The following LHFPL2 variants were observed in gnomAD, a reference collection of about 807,000 sequenced individuals.
The protein encoded by LHFPL2 is LHFPL tetraspan subfamily member 2 protein.
LHFPL2 carries 7 observed loss-of-function variants against 17.5 expected under a neutral mutation model. The ratio of observed to expected loss-of-function variants is 0.40; its 90% CI spans 0.23 to 0.75. The LOEUF (loss-of-function observed/expected upper bound fraction) is 0.75, where lower values mean the gene tolerates loss of function less well. Among genes scored for constraint, LHFPL2 ranks in the 30% least tolerant of loss-of-function variants. LHFPL2 has a pLI of 0.37. For missense variants in LHFPL2, 241 were observed against 294.8 expected (o/e 0.82, Z 1.34); for synonymous variants, 134 against 116.2 (o/e 1.15, Z -0.99).
At chr5:78,525,352 C>T (rs1443080780) in intron 3 of LHFPL2, among the ~76,000 whole-genome samples, 2 of 152,234 alleles carry the variant, frequency 1.3e-5, no homozygotes, top group Non-Finnish European at 2.9e-5. Flanking sequence ...TGAGAGAATA[C>T]ATGTAAAGTG....
chr5:78,645,259 T>G (rs1214120182), intron 1 of LHFPL2, among the ~76,000 whole-genome samples: 1 of 151,694 alleles, frequency 6.6e-6, no homozygotes, highest in Non-Finnish European at 1.5e-5. Flanking sequence ...GTTTTTTTTT[T>G]TTCTTCTAAT....
chr5:78,581,945 T>C (rs1743161404), intron 2 of LHFPL2, among the ~76,000 whole-genome samples: 2 of 152,356 alleles, frequency 1.3e-5, no homozygotes, highest in Admixed American at 6.5e-5. Flanking sequence ...TGGTAAGCTA[T>C]TGATTATTGC....
chr5:78,580,820 A>G (rs377677211), intron 2 of LHFPL2, among the ~76,000 whole-genome samples: 7 of 151,946 alleles, frequency 4.6e-5, no homozygotes, highest in South Asian at 2.1e-4. Context: ...GGATTGACTT[A>G]GCGATGCGGG....
intron 2 of LHFPL2, among the ~76,000 whole-genome samples, chr5:78,580,803 T>C (rs1743101771): frequency 6.6e-6 from 1 of 152,076 alleles, no homozygotes; most frequent in Non-Finnish European, 1.5e-5. Flanking sequence ...TTTGTTCTTT[T>C]GGCTTAGGAT....
intron 3 of LHFPL2, among the ~76,000 whole-genome samples, chr5:78,563,116 A>G (rs532065903): frequency 3.2e-4 from 49 of 152,316 alleles, no homozygotes; most frequent in South Asian, 2.1e-4. Flanking sequence ...CCTGCCTCCA[A>G]TGAGAATATC....
chr5:78,587,492 T>C (rs986203116), intron 2 of LHFPL2, among the ~76,000 whole-genome samples: 32 of 152,220 alleles, frequency 2.1e-4, no homozygotes, highest in Admixed American at 1.1e-3. Context: ...GTGGGAGACT[T>C]AGGCTTGAAT....
At chr5:78,638,602 C>T (rs1279524054) in intron 1 of LHFPL2, among the ~76,000 whole-genome samples, 2 of 152,154 alleles carry the variant, frequency 1.3e-5, no homozygotes, top group Non-Finnish European at 2.9e-5. Context: ...TCCTCTGTAT[C>T]TTGGCACAGA....
intron 1 of LHFPL2, among the ~76,000 whole-genome samples, chr5:78,637,858 AG>A (rs1745510302): frequency 6.6e-6 from 1 of 152,194 alleles, no homozygotes; most frequent in African/African-American, 2.4e-5. Flanking sequence ...AAGCTTGAGA[AG>A]CCCTCCTGAT....
intron 2 of LHFPL2, among the ~76,000 whole-genome samples, chr5:78,606,260 C>A (rs1435443200): frequency 6.6e-6 from 1 of 152,192 alleles, no homozygotes; most frequent in Non-Finnish European, 1.5e-5. Flanking sequence ...TTTACTTTCC[C>A]AATGCCTAAG....
At chr5:78,560,929 G>A (rs1343566638) in intron 3 of LHFPL2, among the ~76,000 whole-genome samples, 2 of 152,084 alleles carry the variant, frequency 1.3e-5, no homozygotes, top group African/African-American at 4.8e-5. Context: ...TAAGCCATGT[G>A]TATTAATTAA....
intron 3 of LHFPL2, among the ~76,000 whole-genome samples, chr5:78,513,481 G>C (rs1397943399): frequency 6.6e-6 from 1 of 152,200 alleles, no homozygotes; most frequent in African/African-American, 2.4e-5. Context: ...TAGTAAGTTT[G>C]CTAACTGCTA....
Position 78,521,271 on chromosome 5 carries a change from C to G in LHFPL2, c.-185-10873G>C, listed in dbSNP as rs533659100. Among the ~76,000 whole-genome samples, 84 of 152,282 alleles carry G rather than the reference C, an allele frequency of 5.5e-4. 2 individuals carry two copies. Among genetic ancestry groups the G allele is most frequent in the Middle Eastern group, 3.4e-3 (1 of 294 alleles). On this transcript the variant is annotated intron_variant, in intron 3 of 4. Coordinates refer to ENST00000380345, the MANE Select transcript of LHFPL2 (RefSeq NM_005779.3). ...TCCTCAGTAAATTATTAAAATCAAGCAGTACAATTCTCTCATCAGTTATAA... is the reference window on the plus strand; with the variant it reads ...TCCTCAGTAAATTATTAAAATCAAGGAGTACAATTCTCTCATCAGTTATAA...
At chr5:78,600,099 A>T (rs958337240) in intron 2 of LHFPL2, among the ~76,000 whole-genome samples, 40 of 152,280 alleles carry the variant, frequency 2.6e-4, no homozygotes, top group African/African-American at 9.6e-4. Context: ...CATGGTGAAA[A>T]TTATTTTGAA....
At position 78,509,874 on chromosome 5, in the gene LHFPL2, C is replaced by A; in HGVS notation, c.340G>T (p.Val114Leu). 1 of 1,613,848 alleles carries A rather than the reference C, an allele frequency of 6.2e-7. No individual in the cohort carries two copies. Residue 114 changes from valine to leucine, a missense_variant, in exon 4 of 5, where the codon GTG becomes TTG. Coordinates refer to ENST00000380345, the MANE Select transcript of LHFPL2 (RefSeq NM_005779.3). Reference sequence around the variant, plus strand: ...ATGGTGAAGACGGACACCAAGGCCACCATGCAGAGAATAAAGATTCCCACA... The same window carrying A: ...ATGGTGAAGACGGACACCAAGGCCAACATGCAGAGAATAAAGATTCCCACA... Reference protein sequence around the residue: ...LAVGIFILCMVALVSVFTMCV... With the variant: ...LAVGIFILCMLALVSVFTMCV...
chr5:78,528,986 C>A (rs542533152), intron 3 of LHFPL2, among the ~76,000 whole-genome samples: 1 of 152,264 alleles, frequency 6.6e-6, no homozygotes, highest in African/African-American at 2.4e-5. Context: ...TATTTTCATA[C>A]TTTAAAACTT....
At chr5:78,636,119 G>A (rs554883028) in intron 1 of LHFPL2, among the ~76,000 whole-genome samples, 8 of 152,314 alleles carry the variant, frequency 5.3e-5, no homozygotes, top group African/African-American at 1.4e-4. Context: ...CCTGGTGCCT[G>A]AGGCTGCCGT....
rs535303074 is a variant in LHFPL2, at chr5:78,639,584, AC to A, written c.-349-7217del. Among the ~76,000 whole-genome samples, 184 of 152,268 alleles carry A rather than the reference AC, an allele frequency of 1.2e-3. 1 individual carries two copies. Among genetic ancestry groups the A allele is most frequent in the African/African-American group, 4.0e-3 (168 of 41,548 alleles). ...AATGAAAGAGTATCTGTTTAGACAT[AC>A]CTCTCTAGAATGTAGAATCATCTTC... is the stretch of plus-strand genomic sequence containing the variant. On this transcript the variant is annotated intron_variant, in intron 1 of 4. Coordinates refer to ENST00000380345, the MANE Select transcript of LHFPL2 (RefSeq NM_005779.3).
At chr5:78,499,040 C>G (rs1754693530) in intron 4 of LHFPL2, among the ~76,000 whole-genome samples, 1 of 152,226 alleles carries the variant, frequency 6.6e-6, no homozygotes, top group South Asian at 2.1e-4. Context: ...GTCCTCTACA[C>G]ATAATGGCAG....
chr5:78,500,196 G>A (rs1018824846), intron 4 of LHFPL2, among the ~76,000 whole-genome samples: 5 of 152,056 alleles, frequency 3.3e-5, no homozygotes, highest in African/African-American at 1.2e-4. Context: ...AGACAAAATT[G>A]GGCAATGAGC....
Sources: allele counts gnomAD v4.1 joint callset (sites outside exome capture counted in the v4.1 genomes callset), GRCh38; gene constraint gnomAD v4.1.1; transcripts MANE v1.5; gene names NCBI Gene and HGNC (gene_info 2026-07-23, HGNC 2026-07-21).